Variants in TBL1X observed in about 807,000 individuals in gnomAD.
The protein encoded by TBL1X is F-box-like/WD repeat-containing protein TBL1X.
Under a neutral mutation model 50.7 loss-of-function variants are expected in TBL1X, and 10 were observed. The ratio of observed to expected loss-of-function variants is 0.20; its 90% confidence interval spans 0.12 to 0.33. TBL1X has a LOEUF of 0.33. Among genes scored for constraint, TBL1X ranks in the 10% least tolerant of loss-of-function variants. The pLI, the probability that TBL1X is intolerant of heterozygous loss-of-function variation, is 1.00. For synonymous variants in TBL1X, 190 were observed against 214.7 expected, an observed-to-expected ratio of 0.88 and a Z score of 1.01; for missense variants, 340 against 504.4, an observed-to-expected ratio of 0.67 and a Z score of 3.12.
chrX:9,568,966 ATCTGTGCAGTGTGC>A (rs767520973), intron 2 of TBL1X, among the ~76,000 whole-genome samples: 18 of 97,017 alleles, frequency 1.9e-4, no homozygotes, highest in Non-Finnish European at 3.3e-4. Flanking sequence ...TGTTGTGTCT[ATCTGTGCAGTGTGC>A]TCTGTGCGGT....
At chrX:9,506,062 C>T (rs2082024504) in intron 2 of TBL1X, among the ~76,000 whole-genome samples, 1 of 112,326 alleles carries the variant, frequency 8.9e-6, no homozygotes, top group Non-Finnish European at 1.9e-5. Context: ...TAAAACACTC[C>T]TCAGCAAATG....
intron 1 of TBL1X, among the ~76,000 whole-genome samples, chrX:9,495,405 A>G (rs772909990): frequency 1.1e-4 from 12 of 110,230 alleles, no homozygotes; most frequent in South Asian, 3.9e-4. Context: ...CTTTTTTTTT[A>G]GGTCCGACAG....
At chrX:9,691,454 AGAAAAG>A (rs1397780655) in intron 7 of TBL1X, 119 bp from the exon 8 acceptor site, 9 of 689,921 alleles carry the variant, frequency 1.3e-5, no homozygotes, top group Non-Finnish European at 1.8e-5. Context: ...AAAAAAAAAA[AGAAAAG>A]GAATCATCAG....
intron 2 of TBL1X, among the ~76,000 whole-genome samples, chrX:9,587,511 A>G (rs1478989574): frequency 8.9e-6 from 1 of 111,876 alleles, no homozygotes; most frequent in Non-Finnish European, 1.9e-5. Flanking sequence ...ATAAACTATA[A>G]GGAAGATGTG....
chrX:9,703,518 C>T (rs1222614551), intron 12 of TBL1X, among the ~76,000 whole-genome samples: 2 of 111,628 alleles, frequency 1.8e-5, no homozygotes, highest in Non-Finnish European at 3.8e-5. Flanking sequence ...AGGCGGGTGA[C>T]CCCTGCAGTC....
At chrX:9,576,400 T>C (rs973724352) in intron 2 of TBL1X, among the ~76,000 whole-genome samples, 2 of 112,228 alleles carry the variant, frequency 1.8e-5, no homozygotes, top group Non-Finnish European at 3.8e-5. Flanking sequence ...TCGGGAGAGA[T>C]TGACCTGAGT....
chrX:9,670,940 C>G (rs2082956984), intron 5 of TBL1X, among the ~76,000 whole-genome samples: 1 of 112,180 alleles, frequency 8.9e-6, no homozygotes, highest in Non-Finnish European at 1.9e-5. Context: ...TAAAGGAAAA[C>G]ATTAGTTTCA....
chrX:9,537,089 A>G (rs752598492), intron 2 of TBL1X, among the ~76,000 whole-genome samples: 237 of 111,837 alleles, frequency 2.1e-3, no homozygotes, highest in Middle Eastern at 4.6e-3. Context: ...ACTTGTTGCC[A>G]TGTAGCCAGT....
chrX:9,464,645 G>T (rs2146915224), upstream of TBL1X, among the ~76,000 whole-genome samples: 1 of 111,317 alleles, frequency 9.0e-6, no homozygotes, highest in South Asian at 3.7e-4. Context: ...CGAGGTTCCC[G>T]TCCCCTCGAG....
rs1422523716 is a variant in TBL1X, at chrX:9,684,049, C to G, written c.218C>G (p.Ser73Cys). The change falls in exon 6 of 18, where the codon TCC (serine) becomes TGC (cysteine). Residue 73 changes from serine (S) to cysteine (C), a missense_variant. By Grantham distance (112) the Ser-to-Cys change is moderately radical (BLOSUM62 -1). Around this residue, in one of 6 missense-constraint regions of TBL1X, gnomAD observed 5 missense variants for 27.1 expected, o/e 0.18. Transcript: ENST00000645353. ...VYRYLQESGF[S>C]HSAFTFGIES... ...CTTTCCCCTCTTGCCACAGGTTTTT[C>G]CCACTCGGCTTTCACGTTTGGGATT... 5 of 1,211,919 alleles carry G rather than the reference C, an allele frequency of 4.1e-6. No homozygotes were observed. The highest frequency in any genetic ancestry group is 5.6e-6 in the Non-Finnish European group (5 of 895,578).
rs1157583335 is a variant in TBL1X at position 9,636,522 on chromosome X, A to C, written c.-130-3751A>C. 2.8e-5 allele frequency: 3 copies of C among 108,415 alleles called. No homozygotes were observed. In the South Asian group the frequency reaches 1.2e-3, roughly 42 times the overall value. 8.9% of individuals were successfully genotyped at this position (108,415 alleles called of 1,213,427 possible). On this transcript the variant is annotated intron_variant, in intron 2 of 17. Transcript: ENST00000645353. Reference sequence around the variant, plus strand: ...CAACAACAACAACAACAACAACAACAACAACCATGTATGGTCCAGGGGAAT... The same window carrying C: ...CAACAACAACAACAACAACAACAACCACAACCATGTATGGTCCAGGGGAAT...
chrX:9,491,853 A>G (rs2081946896), intron 1 of TBL1X, among the ~76,000 whole-genome samples: 1 of 111,470 alleles, frequency 9.0e-6, no homozygotes, highest in South Asian at 3.8e-4. Context: ...ATATTAAAAA[A>G]AAATCAAGAA....
At chrX:9,569,381 C>T (rs1186524346) in intron 2 of TBL1X, among the ~76,000 whole-genome samples, 1 of 97,171 alleles carries the variant, frequency 1.0e-5, no homozygotes, top group Admixed American at 1.1e-4. Flanking sequence ...TGTGTGTGCA[C>T]GTGTGTGGTG....
intron 3 of TBL1X, among the ~76,000 whole-genome samples, chrX:9,648,789 A>G (rs1309174812): frequency 2.7e-5 from 3 of 112,076 alleles, no homozygotes; most frequent in Admixed American, 9.4e-5. Flanking sequence ...TAATAACAGC[A>G]CATTTATTTG....
intron 2 of TBL1X, among the ~76,000 whole-genome samples, chrX:9,530,054 T>C (rs1447265745): frequency 9.0e-6 from 1 of 111,665 alleles, no homozygotes. Context: ...CACAATAGAA[T>C]ACCTGATGAA....
chrX:9,521,132 A>G (rs1423549898), intron 2 of TBL1X, among the ~76,000 whole-genome samples: 1 of 110,239 alleles, frequency 9.1e-6, no homozygotes, highest in Non-Finnish European at 1.9e-5. Flanking sequence ...AAGAGATAAG[A>G]TAAAGAATGG....
intron 2 of TBL1X, among the ~76,000 whole-genome samples, chrX:9,520,021 A>G (rs1456178022): frequency 1.8e-5 from 2 of 112,314 alleles, no homozygotes; most frequent in Non-Finnish European, 3.8e-5. Flanking sequence ...CAGAGCTTAC[A>G]AGAAGGTGTT....
chrX:9,613,457 G>A (rs2146561074), intron 2 of TBL1X, among the ~76,000 whole-genome samples: 1 of 111,657 alleles, frequency 9.0e-6, no homozygotes, highest in South Asian at 3.8e-4. Flanking sequence ...ATGTGGGTGT[G>A]TGCATCTATA....
At chrX:9,537,811 T>A (rs1456030225) in intron 2 of TBL1X, among the ~76,000 whole-genome samples, 2 of 112,244 alleles carry the variant, frequency 1.8e-5, no homozygotes, top group African/African-American at 6.5e-5. Context: ...GTTTACATAG[T>A]CATGTGTGGC....
Sources: allele counts gnomAD v4.1 joint callset (sites outside exome capture counted in the v4.1 genomes callset), GRCh38; gene constraint gnomAD v4.1.1; regional missense constraint gnomAD v4.1.1; transcripts MANE v1.5; gene names NCBI Gene and HGNC (gene_info 2026-07-23, HGNC 2026-07-21).